Variants in SLC39A8 observed in about 807,000 individuals in gnomAD.
The protein encoded by SLC39A8 is solute carrier family 39 member 8.
A neutral mutation model predicts 40.4 loss-of-function variants in SLC39A8; 15 were observed. The ratio of observed to expected loss-of-function variants is 0.37; its 90% confidence interval spans 0.25 to 0.57. The LOEUF (loss-of-function observed/expected upper bound fraction) is 0.57, where lower values mean the gene tolerates loss of function less well. SLC39A8 is among the 20% of genes least tolerant of loss of function. The pLI, the probability that SLC39A8 is intolerant of heterozygous loss-of-function variation, is 0.75. For synonymous variants in SLC39A8, 223 were observed against 221.6 expected (o/e 1.01, Z -0.06); for missense variants, 472 against 558.8 (o/e 0.84, Z 1.57).
intron 1 of SLC39A8, 25 bp from the exon 2 acceptor site, chr4:102,344,940 A>G: frequency 1.6e-6 from 2 of 1,219,846 alleles, no homozygotes; most frequent in Non-Finnish European, 1.0e-6. Context: ...ACAAAGGGGG[A>G]CAGAGATAAA....
intron 6 of SLC39A8, among the ~76,000 whole-genome samples, chr4:102,290,664 T>G (rs1166355118): frequency 6.7e-6 from 1 of 149,862 alleles, no homozygotes; most frequent in Admixed American, 6.6e-5. Context: ...CGTCAACAAT[T>G]TGGCCCCTGA....
At chr4:102,288,313 A>G (rs748489806) in intron 6 of SLC39A8, among the ~76,000 whole-genome samples, 3 of 152,072 alleles carry the variant, frequency 2.0e-5, no homozygotes, top group Non-Finnish European at 4.4e-5. Context: ...GTGCCCCCAT[A>G]AGATGGCAGA....
chr4:102,265,765 T>G (rs976403510), intron 8 of SLC39A8, among the ~76,000 whole-genome samples: 16 of 152,356 alleles, frequency 1.1e-4, no homozygotes, highest in African/African-American at 3.6e-4. Context: ...GTAAAAGTAC[T>G]GAAGTAGTAT....
chr4:102,304,863 T>C, intron 5 of SLC39A8, 126 bp downstream of exon 5: 1 of 798,644 alleles, frequency 1.3e-6, no homozygotes, highest in East Asian at 2.8e-5. Flanking sequence ...TTGTTCTCCT[T>C]AAACTCACAA....
chr4:102,282,852 A>G (rs1034529458), intron 6 of SLC39A8, among the ~76,000 whole-genome samples: 4 of 152,212 alleles, frequency 2.6e-5, no homozygotes, highest in African/African-American at 7.2e-5. Flanking sequence ...TCAGCCTCCC[A>G]AGTAGCTGGG....
chr4:102,294,465 C>T (rs1291603383), intron 6 of SLC39A8, among the ~76,000 whole-genome samples: 1 of 151,982 alleles, frequency 6.6e-6, no homozygotes, highest in African/African-American at 2.4e-5. Context: ...TCCACCATCC[C>T]CAAAGTGATA....
chr4:102,322,761 T>G (rs1735017647), intron 2 of SLC39A8, among the ~76,000 whole-genome samples: 1 of 152,078 alleles, frequency 6.6e-6, no homozygotes, highest in South Asian at 2.1e-4. Context: ...TAGCTCACAT[T>G]CCCAATAAGG....
At position 102,291,099 on chromosome 4, in the gene SLC39A8, G is replaced by A. The variant is rs142369133; in HGVS notation, c.840+13218C>T. Among the ~76,000 whole-genome samples the A allele has an allele frequency of 4.8e-3, 727 of 151,646 alleles. 5 individuals are homozygous for A. Among genetic ancestry groups the A allele is most frequent in the Non-Finnish European group, 5.2e-3 (350 of 67,900 alleles). On this transcript the variant is annotated intron_variant, in intron 6 of 8. Coordinates refer to ENST00000356736, the MANE Select transcript of SLC39A8 (RefSeq NM_001135146.2). ...CCAAATCCTGATACTCCACTGAACTGCTCTTCTCCCTCATTTTTTTTTCAC... is the reference window on the plus strand; with the variant it reads ...CCAAATCCTGATACTCCACTGAACTACTCTTCTCCCTCATTTTTTTTTCAC...
At chr4:102,321,619 G>C (rs2149045191) in intron 2 of SLC39A8, among the ~76,000 whole-genome samples, 1 of 152,296 alleles carries the variant, frequency 6.6e-6, no homozygotes, top group Non-Finnish European at 1.5e-5. Flanking sequence ...CAAGAACCCA[G>C]TATAAGCTGA....
downstream of SLC39A8, chr4:102,251,057 T>C (rs1330497021): frequency 1.3e-5 from 2 of 152,250 alleles, no homozygotes; most frequent in Non-Finnish European, 2.9e-5. Context: ...TGTTTAAATT[T>C]ATTTGTTTAA....
chr4:102,267,837 A>G, intron 7 of SLC39A8, 35 bp downstream of exon 7: 1 of 1,605,302 alleles, frequency 6.2e-7, no homozygotes, highest in South Asian at 1.1e-5. Context: ...ATCAAGAAGT[A>G]AGCAGACTTT....
chr4:102,272,682 C>G (rs888099451), intron 6 of SLC39A8, among the ~76,000 whole-genome samples: 19 of 152,264 alleles, frequency 1.2e-4, no homozygotes, highest in African/African-American at 4.3e-4. Flanking sequence ...CAAGTAGGAA[C>G]AGCTCTGGTC....
At chr4:102,342,522 G>A (rs1382360179) in intron 2 of SLC39A8, among the ~76,000 whole-genome samples, 1 of 152,136 alleles carries the variant, frequency 6.6e-6, no homozygotes, top group African/African-American at 2.4e-5. Context: ...GAACATCAAA[G>A]AGATGTTTGT....
intron 6 of SLC39A8, among the ~76,000 whole-genome samples, chr4:102,304,039 T>C (rs1179782881): frequency 6.6e-6 from 1 of 151,858 alleles, no homozygotes; most frequent in East Asian, 1.9e-4. Context: ...TAATATTGTA[T>C]AAATGCAATT....
chr4:102,344,051 C>T (rs1049453475), intron 2 of SLC39A8, among the ~76,000 whole-genome samples: 2 of 152,270 alleles, frequency 1.3e-5, no homozygotes, highest in South Asian at 2.1e-4. Flanking sequence ...GATAATCTTC[C>T]TTGCTAACCT....
At chr4:102,291,827 G>T (rs1234525773) in intron 6 of SLC39A8, among the ~76,000 whole-genome samples, 1 of 151,900 alleles carries the variant, frequency 6.6e-6, no homozygotes, top group Non-Finnish European at 1.5e-5. Flanking sequence ...AATGGACAAA[G>T]AAAATGTGGT....
In SLC39A8 at chr4:102,315,777, T is replaced by C; in HGVS notation, c.273A>G (p.Gln91=). 1 of 1,613,340 alleles carries C rather than the reference T, an allele frequency of 6.2e-7. No individual in the cohort carries two copies. The highest frequency in any genetic ancestry group is 8.5e-7 in the Non-Finnish European group (1 of 1,179,550). The change falls in exon 3 of 9, where the codon CAA becomes CAG. Residue 91 remains glutamine (Q), a synonymous_variant. Coordinates refer to ENST00000356736, the MANE Select transcript of SLC39A8 (RefSeq NM_001135146.2). ...TGACAGAGAATTTGGAGCTGGTTATTTGGGTAGCATTTGAAAAGCCATGAA... is the reference window on the plus strand; with the variant it reads ...TGACAGAGAATTTGGAGCTGGTTATCTGGGTAGCATTTGAAAAGCCATGAA... The part of the protein sequence containing the change: ...FSLHGFSNAT[Q]ITSSKFSVIC...
intron 6 of SLC39A8, among the ~76,000 whole-genome samples, chr4:102,287,365 A>G (rs762475306): frequency 1.3e-5 from 2 of 152,166 alleles, no homozygotes; most frequent in African/African-American, 2.4e-5. Context: ...TTAGAAAATG[A>G]CAAATGTTTA....
At chr4:102,318,948 G>A (rs915226408) in intron 2 of SLC39A8, among the ~76,000 whole-genome samples, 13 of 152,030 alleles carry the variant, frequency 8.6e-5, no homozygotes, top group Non-Finnish European at 1.3e-4. Flanking sequence ...CGTGTTCAGC[G>A]CGTTGACATT....
Sources: allele counts gnomAD v4.1 joint callset (sites outside exome capture counted in the v4.1 genomes callset), GRCh38; gene constraint gnomAD v4.1.1; transcripts MANE v1.5; gene names NCBI Gene and HGNC (gene_info 2026-07-23, HGNC 2026-07-21).